Variants in SYNDIG1 observed in about 807,000 individuals in gnomAD.
The protein encoded by SYNDIG1 is synapse differentiation-inducing gene protein 1.
Under a neutral mutation model 19.4 loss-of-function variants are expected in SYNDIG1, and 9 were observed. The ratio of observed to expected loss-of-function variants is 0.46; its 90% CI spans 0.28 to 0.81. SYNDIG1 has a LOEUF of 0.81. Ranked by LOEUF, SYNDIG1 falls within the 30% of genes least tolerant of loss-of-function variation. The pLI is 0.12. For missense variants in SYNDIG1, 311 were observed against 343.3 expected (o/e 0.91, Z 0.74); for synonymous variants, 141 against 145.9 (o/e 0.97, Z 0.24).
At chr20:24,558,743 A>G (rs1456030056) in intron 2 of SYNDIG1, among the ~76,000 whole-genome samples, 2 of 152,182 alleles carry the variant, frequency 1.3e-5, no homozygotes, top group Non-Finnish European at 2.9e-5. Flanking sequence ...AAGCATCTTA[A>G]TTTATCCAAG....
At chr20:24,634,629 T>C (rs1260116994) in intron 3 of SYNDIG1, among the ~76,000 whole-genome samples, 3 of 152,272 alleles carry the variant, frequency 2.0e-5, no homozygotes, top group African/African-American at 7.2e-5. Flanking sequence ...AACATCTTTA[T>C]GTGTGTTATT....
At chr20:24,501,201 T>G (rs1004633676) in intron 1 of SYNDIG1, among the ~76,000 whole-genome samples, 1 of 152,230 alleles carries the variant, frequency 6.6e-6, no homozygotes, top group Non-Finnish European at 1.5e-5. Context: ...TTTTGTACTT[T>G]ACATATGTAG....
At chr20:24,619,626 A>G (rs568711904) in intron 3 of SYNDIG1, among the ~76,000 whole-genome samples, 1 of 152,312 alleles carries the variant, frequency 6.6e-6, no homozygotes, top group African/African-American at 2.4e-5. Context: ...CTTGCTATAC[A>G]TTGTATTTAT....
chr20:24,477,265 G>A (rs1417652309), intron 1 of SYNDIG1, among the ~76,000 whole-genome samples: 1 of 152,160 alleles, frequency 6.6e-6, no homozygotes, highest in Non-Finnish European at 1.5e-5. Context: ...GTGAGTGCTG[G>A]GGTGACCAGG....
At chr20:24,649,414 G>T (rs1478769064) in intron 3 of SYNDIG1, among the ~76,000 whole-genome samples, 1 of 152,112 alleles carries the variant, frequency 6.6e-6, no homozygotes, top group Non-Finnish European at 1.5e-5. Context: ...TGTTTTATTG[G>T]GTTTGAGTGC....
intron 2 of SYNDIG1, among the ~76,000 whole-genome samples, chr20:24,548,466 T>C (rs1159331432): frequency 6.6e-6 from 1 of 152,154 alleles, no homozygotes; most frequent in Admixed American, 6.5e-5. Flanking sequence ...AATAGAGCAC[T>C]TTACATATAC....
At chr20:24,593,925 G>A (rs1333334171) in intron 3 of SYNDIG1, among the ~76,000 whole-genome samples, 4 of 152,072 alleles carry the variant, frequency 2.6e-5, no homozygotes, top group Non-Finnish European at 4.4e-5. Flanking sequence ...ATAGATTCTG[G>A]ATATTAGACC....
intron 2 of SYNDIG1, among the ~76,000 whole-genome samples, chr20:24,564,473 T>C (rs573697799): frequency 7.2e-5 from 11 of 152,340 alleles, no homozygotes; most frequent in Admixed American, 3.3e-4. Flanking sequence ...CTCTCATATG[T>C]AGAAAGAAAC....
At chr20:24,581,309 A>G (rs929091725) in intron 2 of SYNDIG1, among the ~76,000 whole-genome samples, 6 of 152,206 alleles carry the variant, frequency 3.9e-5, no homozygotes, top group Admixed American at 2.6e-4. Flanking sequence ...TAATAACACC[A>G]TCTGTAAACT....
intron 2 of SYNDIG1, among the ~76,000 whole-genome samples, chr20:24,551,469 GTTTTCCA>G (rs2057705076): frequency 6.6e-6 from 1 of 151,398 alleles, no homozygotes; most frequent in South Asian, 2.1e-4. Flanking sequence ...TCGTTATTTA[GTTTTCCA>G]TTTTATTAAT....
At chr20:24,524,830 C>G (rs1360497157) in intron 1 of SYNDIG1, among the ~76,000 whole-genome samples, 3 of 152,118 alleles carry the variant, frequency 2.0e-5, no homozygotes, top group African/African-American at 4.8e-5. Flanking sequence ...ACAGCCTCAT[C>G]AGAGAGTTGT....
intron 1 of SYNDIG1, among the ~76,000 whole-genome samples, chr20:24,478,611 G>A (rs893325516): frequency 1.9e-4 from 29 of 152,232 alleles, no homozygotes; most frequent in African/African-American, 3.4e-4. Context: ...CCCATGCACC[G>A]TAGACAAACA....
chr20:24,597,885 C>T (rs1356165597), intron 3 of SYNDIG1, among the ~76,000 whole-genome samples: 1 of 152,176 alleles, frequency 6.6e-6, no homozygotes, highest in African/African-American at 2.4e-5. Context: ...GACTGCCTTT[C>T]CTCCTAAGAC....
chr20:24,483,508 ATGTGCTCAGCC>A (rs1222908405), intron 1 of SYNDIG1, among the ~76,000 whole-genome samples: 1 of 152,212 alleles, frequency 6.6e-6, no homozygotes, highest in East Asian at 1.9e-4. Context: ...AGCACACATT[ATGTGCTCAGCC>A]AGTGTTTGCT....
chr20:24,553,873 C>G (rs2057757966), intron 2 of SYNDIG1, among the ~76,000 whole-genome samples: 1 of 152,064 alleles, frequency 6.6e-6, no homozygotes, highest in Non-Finnish European at 1.5e-5. Context: ...GATGGAGATG[C>G]CATTGAATCT....
chr20:24,485,171 T>C (rs1204171774), intron 1 of SYNDIG1, among the ~76,000 whole-genome samples: 1 of 152,206 alleles, frequency 6.6e-6, no homozygotes, highest in African/African-American at 2.4e-5. Context: ...TAAACCTCTT[T>C]CCTTTATAAA....
At chr20:24,646,596 C>T (rs543012447) in intron 3 of SYNDIG1, among the ~76,000 whole-genome samples, 12 of 152,136 alleles carry the variant, frequency 7.9e-5, no homozygotes, top group South Asian at 2.1e-4. Context: ...CGAAGCAGCC[C>T]GAGGTCCTCA....
At chr20:24,587,903 G>T (rs1378970876) in intron 3 of SYNDIG1, among the ~76,000 whole-genome samples, 1 of 152,206 alleles carries the variant, frequency 6.6e-6, no homozygotes, top group African/African-American at 2.4e-5. Context: ...CAGTCAGGCT[G>T]TGTCTGCTCA....
chr20:24,643,356 T>C (rs1190557786), intron 3 of SYNDIG1, among the ~76,000 whole-genome samples: 1 of 152,198 alleles, frequency 6.6e-6, no homozygotes, highest in East Asian at 1.9e-4. Context: ...GAAGTAACTT[T>C]ATCAGCTAGA....
Sources: gnomAD v4.1 joint callset for allele counts (sites outside exome capture counted in the v4.1 genomes callset) on GRCh38, gnomAD v4.1.1 for gene constraint, MANE v1.5 for transcripts, NCBI Gene and HGNC (gene_info 2026-07-23, HGNC 2026-07-21) for gene names.